XPC: variants seen among roughly 807,000 people sequenced by gnomAD.
XPC encodes the protein XPC complex subunit, DNA damage recognition and repair factor.
In XPC, 76 loss-of-function variants were observed where a neutral mutation model predicts 95.8. That is an observed-to-expected ratio of 0.79 (90% CI 0.66 to 0.96). The LOEUF (loss-of-function observed/expected upper bound fraction) is 0.96, where lower values mean the gene tolerates loss of function less well. XPC is among the 40% of genes least tolerant of loss of function. The pLI, the probability that XPC is intolerant of heterozygous loss-of-function variation, is 0.00. For missense variants in XPC, 1,146 were observed against 1,179.8 expected, an observed-to-expected ratio of 0.97 and a Z score of 0.42; for synonymous variants, 442 against 442.1, an observed-to-expected ratio of 1.00 and a Z score of 0.00.
chr3:14,178,379 C>G, intron 1 of XPC, 87 bp downstream of exon 1: 1 of 1,435,648 alleles, frequency 7.0e-7, no homozygotes, highest in Non-Finnish European at 9.2e-7. Context: ...TCCACCAGGC[C>G]TCCGCGTCTG....
At chr3:14,148,167 T>C in intron 13 of XPC, 166 bp from the exon 14 acceptor site, 1 of 629,512 alleles carries the variant, frequency 1.6e-6, no homozygotes, top group Non-Finnish European at 2.7e-6. Flanking sequence ...GGCAGGCCTG[T>C]GGAAGCTGGC....
intron 7 of XPC, among the ~76,000 whole-genome samples, chr3:14,162,913 A>C (rs924390839): frequency 3.3e-5 from 5 of 152,208 alleles, no homozygotes; most frequent in African/African-American, 1.2e-4. Flanking sequence ...GCTCTTACAA[A>C]TCATCAACAA....
chr3:14,149,093 T>C (rs950003041), intron 11 of XPC, 145 bp from the exon 12 acceptor site: 2 of 1,207,842 alleles, frequency 1.7e-6, no homozygotes, highest in African/African-American at 3.1e-5. Flanking sequence ...TTCTCCCTTT[T>C]TTTTTTTTGA....
At chr3:14,157,865 C>T (rs1350511587) in intron 9 of XPC, 146 bp downstream of exon 9, 3 of 1,216,604 alleles carry the variant, frequency 2.5e-6, no homozygotes, top group African/African-American at 1.5e-5. Context: ...CAGCAACTGC[C>T]CCAGCTTTAT....
At chr3:14,147,701 A>G in intron 14 of XPC, 1 of 601,216 alleles carries the variant, frequency 1.7e-6, no homozygotes, top group South Asian at 2.1e-5. Context: ...CAGAGCCCGG[A>G]CCCAGGCTCC....
chr3:14,165,866 T>C, intron 5 of XPC: 1 of 367,904 alleles, frequency 2.7e-6, no homozygotes, highest in Non-Finnish European at 5.2e-6. Flanking sequence ...GTTTTGGTCT[T>C]GTCTTTCAGA....
intron 15 of XPC, among the ~76,000 whole-genome samples, 198 bp from the exon 16 acceptor site, chr3:14,146,357 A>G (rs1034209625): frequency 6.6e-6 from 1 of 152,032 alleles, no homozygotes. Context: ...CCAAGCAGAC[A>G]CTGGAGCACC....
At chr3:14,159,459 G>A (rs978392653) in intron 8 of XPC, among the ~76,000 whole-genome samples, 3 of 151,976 alleles carry the variant, frequency 2.0e-5, no homozygotes, top group East Asian at 1.9e-4. Flanking sequence ...AGCACTCCAC[G>A]GAGCAAGCAA....
intron 5 of XPC, among the ~76,000 whole-genome samples, chr3:14,166,208 C>T (rs1106087): frequency 1.3e-4 from 20 of 152,082 alleles, no homozygotes; most frequent in Non-Finnish European, 2.5e-4. Context: ...CTTCCTCCCC[C>T]CCGACTAACA....
rs567971135 is a variant in XPC at position 14,148,413 on chromosome 3, A to C, written c.2420+149T>G. On this transcript the variant is annotated intron_variant, in intron 13 of 15. Transcript: ENST00000285021. The stretch of plus-strand genomic sequence containing the variant: ...GGAGGGAAGCCAGAATTGGTAAAGC[A>C]CTGACTTTGCAAATCCAGTGTAACA... 1.1e-5 allele frequency: 12 copies of C among 1,093,476 alleles called. No homozygotes were observed. In the South Asian group the frequency reaches 2.0e-4, roughly 18 times the overall value. 67.7% of individuals were successfully genotyped at this position (1,093,476 alleles called of 1,614,324 possible). A position where few individuals can be genotyped will look rare whatever the true frequency, so the allele number is the denominator to read the frequency against.
chr3:14,165,005 A>T (rs1464184700), intron 6 of XPC, 72 bp from the exon 7 acceptor site: 4 of 1,551,714 alleles, frequency 2.6e-6, no homozygotes, highest in Non-Finnish European at 2.6e-6. Flanking sequence ...AGCCAAGAAA[A>T]TAAAAAGAGG....
In XPC at chr3:14,145,529, C is replaced by CT. The variant is rs886058047; in HGVS notation, c.*411dup. 5.4e-5 allele frequency: 38 copies of CT among 700,152 alleles called. No individual in the cohort carries two copies. The highest frequency in any genetic ancestry group is 9.6e-5 in the Non-Finnish European group (37 of 384,712). The allele number at this position is 700,152 out of a possible 1,614,324, so 43.4% of individuals were successfully genotyped here. A position where few individuals can be genotyped will look rare whatever the true frequency, so the allele number is the denominator to read the frequency against. On this transcript the variant is annotated 3_prime_UTR_variant, in exon 16 of 16. Transcript: ENST00000285021. Reference sequence around the variant, plus strand: ...TGAACTTGTCGGACAGATGAAGACTCTAACTGGAAGAAACGATCAGCGCAT... The same window carrying CT: ...TGAACTTGTCGGACAGATGAAGACTCTTAACTGGAAGAAACGATCAGCGCAT...
At chr3:14,150,219 T>A (rs1472001748) in intron 11 of XPC, among the ~76,000 whole-genome samples, 2 of 152,186 alleles carry the variant, frequency 1.3e-5, no homozygotes, top group Admixed American at 1.3e-4. Context: ...GTCACGTAAC[T>A]CTTAGAGGAG....
intron 13 of XPC, 37 bp from the exon 14 acceptor site, chr3:14,148,038 G>A (rs1186180824): frequency 3.3e-6 from 5 of 1,517,360 alleles, no homozygotes; most frequent in East Asian, 2.4e-5. Context: ...CCTCGAACCT[G>A]CTGCCTGCTC....
chr3:14,157,631 T>A (rs1695971927), intron 9 of XPC, among the ~76,000 whole-genome samples: 1 of 152,158 alleles, frequency 6.6e-6, no homozygotes. Context: ...TGCACGTACA[T>A]CTTTACATTC....
At chr3:14,165,735 T>G in intron 5 of XPC, 150 bp from the exon 6 acceptor site, 1 of 855,502 alleles carries the variant, frequency 1.2e-6, no homozygotes, top group Non-Finnish European at 1.8e-6. Flanking sequence ...CATTGGCCAC[T>G]TCCCAAGCTT....
At chr3:14,172,795 G>C in intron 2 of XPC, 72 bp downstream of exon 2, 9 of 1,506,256 alleles carry the variant, frequency 6.0e-6, no homozygotes, top group Non-Finnish European at 8.1e-6. Flanking sequence ...AGTAAGAATA[G>C]AGGTTTTCAT....
In XPC at chr3:14,158,200, G is replaced by A. The variant is rs778371731; in HGVS notation, c.1683C>T (p.Tyr561=). 38 of 1,613,740 alleles carry A rather than the reference G, an allele frequency of 2.4e-5. No homozygotes were observed. The highest frequency in any genetic ancestry group is 1.6e-4 in the Middle Eastern group (1 of 6,084). Residue 561 remains tyrosine (Y), a synonymous_variant, in exon 9 of 16, where the codon TAC becomes TAT. Coordinates refer to ENST00000285021, the MANE Select transcript of XPC (RefSeq NM_004628.5). This position sits in a 1 kb window ranked among gnomAD's most constrained non-coding sequence, Gnocchi z 5.2. ...VVGQPLTCYK[Y]ATKPMTYVVG... ...CCACATAGGTCATGGGCTTGGTGGC[G>A]TACTTGTAACAGGTCAGAGGCTGGC...
chr3:14,151,273 TA>T (rs1389578047), intron 11 of XPC: 3 of 152,240 alleles, frequency 2.0e-5, no homozygotes, highest in African/African-American at 7.2e-5. Flanking sequence ...ATCAACACTT[TA>T]AAATATTTCT....
Sources: allele counts gnomAD v4.1 joint callset (sites outside exome capture counted in the v4.1 genomes callset), GRCh38; gene constraint gnomAD v4.1.1; non-coding constraint Gnocchi (gnomAD v3.1); transcripts MANE v1.5; gene names NCBI Gene and HGNC (gene_info 2026-07-23, HGNC 2026-07-21).